The following TCEA3 variants were observed in gnomAD, a reference collection of about 807,000 sequenced individuals.
TCEA3 encodes transcription elongation factor A3.
TCEA3 carries 36 observed loss-of-function variants against 44.0 expected under a neutral mutation model. That is an observed-to-expected ratio of 0.82 (90% CI 0.63 to 1.08). TCEA3 has a LOEUF of 1.08. TCEA3 is among the 50% of genes least tolerant of loss of function. The pLI is 0.00. For synonymous variants in TCEA3, 162 were observed against 159.7 expected (o/e 1.01, Z -0.11); for missense variants, 392 against 441.2 (o/e 0.89, Z 1.00).
Position 23,424,566 on chromosome 1 carries a change from G to T in TCEA3, c.68C>A (p.Thr23Lys). Residue 23 changes from threonine (T) to lysine (K), a missense_variant and splice_region_variant, in exon 1 of 11, where the codon ACG (threonine) becomes AAG (lysine). Coordinates refer to ENST00000450454, the MANE Select transcript of TCEA3 (RefSeq NM_003196.3). Reference sequence around the variant, plus strand: ...GTGGCCCAAACTCTGCAGCCTCACCGTGTTCTTCCTGGCCACCATCTTCTC... The same window carrying T: ...GTGGCCCAAACTCTGCAGCCTCACCTTGTTCTTCCTGGCCACCATCTTCTC... The part of the protein sequence containing the change: ...KLEKMVARKN[T>K]EGALDLLKKL... 6.2e-7 allele frequency: 1 copy of T among 1,607,188 alleles called. No homozygotes were observed. The highest frequency in any genetic ancestry group is 2.2e-5 in the East Asian group (1 of 44,448).
intron 8 of TCEA3, among the ~76,000 whole-genome samples, chr1:23,389,487 CAA>C (rs71023208): frequency 7.1e-5 from 10 of 141,398 alleles, no homozygotes; most frequent in Non-Finnish European, 9.1e-5. Flanking sequence ...GAGATTCCAT[CAA>C]AAAAAAAAAA....
At chr1:23,408,104 G>A (rs1476504234) in intron 5 of TCEA3, among the ~76,000 whole-genome samples, 3 of 152,132 alleles carry the variant, frequency 2.0e-5, no homozygotes, top group East Asian at 1.9e-4. Flanking sequence ...TGGGATTACA[G>A]GTGCCCACCA....
chr1:23,386,689 C>G (rs528201811), intron 9 of TCEA3, among the ~76,000 whole-genome samples: 1 of 151,614 alleles, frequency 6.6e-6, no homozygotes, highest in Non-Finnish European at 1.5e-5. Context: ...TCCAGGGTAG[C>G]TGGGATTACA....
intron 6 of TCEA3, 49 bp from the exon 7 acceptor site, chr1:23,397,650 A>G (rs755918319): frequency 1.2e-6 from 2 of 1,606,244 alleles, no homozygotes; most frequent in South Asian, 2.2e-5. Flanking sequence ...CAACGTAGGC[A>G]GTGAAGCCTG....
At chr1:23,397,437 T>C (rs1416329883) in intron 7 of TCEA3, 108 bp downstream of exon 7, 1 of 982,086 alleles carries the variant, frequency 1.0e-6, no homozygotes, top group Non-Finnish European at 1.5e-6. Flanking sequence ...GCAGGGGCTG[T>C]TCCCGGAGCC....
At position 23,393,944 on chromosome 1, in the gene TCEA3, C is replaced by T. The variant is rs563329844; in HGVS notation, c.754G>A (p.Gly252Ser). 1.5e-5 allele frequency: 24 copies of T among 1,613,986 alleles called. No homozygotes were observed. Among genetic ancestry groups the T allele is most frequent in the Middle Eastern group, 3.3e-4 (2 of 6,062 alleles). The change falls in exon 8 of 11, where the codon GGC (glycine) becomes AGC (serine). Residue 252 changes from glycine to serine, a missense_variant. Physicochemically the swap from Gly to Ser is moderately conservative, Grantham distance 56. Transcript: ENST00000450454. The part of the protein sequence containing the change: ...ISNLKDPRNP[G>S]LRRNVLSGAI... ...CCACTGAGCACGTTCCGCCGCAGGC[C>T]GGGGTTCCTGGGGTCCTTGAGGTTG...
At position 23,417,555 on chromosome 1, in the gene TCEA3, G is replaced by A. The variant is rs566995118; in HGVS notation, c.239-165C>T. Among the ~76,000 whole-genome samples, 5 of 152,286 alleles carry A rather than the reference G, an allele frequency of 3.3e-5. No individual in the cohort carries two copies. In the East Asian group the frequency reaches 5.8e-4, roughly 18 times the overall value. On this transcript the variant is annotated intron_variant, in intron 3 of 10. Coordinates refer to ENST00000450454, the MANE Select transcript of TCEA3 (RefSeq NM_003196.3). ...ACACAAATGCACAAACAACAGGAAC[G>A]TGTGTACAAATACACAGTCTCACAT...
rs1237406707 is a variant in TCEA3 at position 23,392,408 on chromosome 1, TCATGC to T, written c.819+1466_819+1470del. Reference sequence around the variant, plus strand: ...TACACAAAACACACTCCACACATCATCATGCACAATACACACACACTCCACACATC... The same window carrying T: ...TACACAAAACACACTCCACACATCATACAATACACACACACTCCACACATC... On this transcript the variant is annotated intron_variant, in intron 8 of 10. Transcript: ENST00000450454. Among the ~76,000 whole-genome samples, 3 of 5,102 alleles carry T rather than the reference TCATGC, an allele frequency of 5.9e-4. 1 individual carries two copies. Among genetic ancestry groups the T allele is most frequent in the Non-Finnish European group, 3.4e-4 (1 of 2,914 alleles). The allele number at this position is 5,102 out of a possible 152,430, so 3.3% of individuals were successfully genotyped here.
rs1179951150 is a variant in TCEA3, at chr1:23,384,437, C to T, written c.967-20G>A. 1.2e-6 allele frequency: 2 copies of T among 1,610,690 alleles called. No homozygotes were observed. Among genetic ancestry groups the T allele is most frequent in the Non-Finnish European group, 1.7e-6 (2 of 1,178,240 alleles). ...CTGCACCTGAGAGAGAGAAGAACCA[C>T]TCATGAAGTCACTCCCCTGTTCTAG... is the stretch of plus-strand genomic sequence containing the variant. On this transcript the variant is annotated intron_variant, in intron 9 of 10. Transcript: ENST00000450454.
At chr1:23,395,509 C>T (rs1639189519) in intron 7 of TCEA3, among the ~76,000 whole-genome samples, 1 of 152,224 alleles carries the variant, frequency 6.6e-6, no homozygotes, top group East Asian at 1.9e-4. Context: ...TTTGATGCAG[C>T]TTTGATTTCC....
intron 5 of TCEA3, chr1:23,404,060 T>C: frequency 1.4e-6 from 1 of 695,248 alleles, no homozygotes; most frequent in South Asian, 1.5e-5. Flanking sequence ...CCTTAGAAAA[T>C]CCTCCTGCCC....
intron 5 of TCEA3, among the ~76,000 whole-genome samples, chr1:23,403,056 C>T (rs1358223350): frequency 6.6e-6 from 1 of 151,752 alleles, no homozygotes; most frequent in Non-Finnish European, 1.5e-5. Context: ...TGTCAACTCC[C>T]AGGACCCAGG....
intron 9 of TCEA3, among the ~76,000 whole-genome samples, chr1:23,384,662 C>CTTTTT (rs11341961): frequency 6.9e-5 from 8 of 116,478 alleles, no homozygotes; most frequent in Non-Finnish European, 1.2e-4. Flanking sequence ...TGCACTTCCG[C>CTTTTT]TTTTTTTTTT....
In TCEA3 at chr1:23,381,398, T is replaced by G. The variant is rs916541185; in HGVS notation, c.*68A>C. Reference sequence around the variant, plus strand: ...TTCCTTCACTTTAATTTTTATTGCTTCTCCAGTTCAGATAATTCAGCGCTT... The same window carrying G: ...TTCCTTCACTTTAATTTTTATTGCTGCTCCAGTTCAGATAATTCAGCGCTT... On this transcript the variant is annotated 3_prime_UTR_variant, in exon 11 of 11. Transcript: ENST00000450454. 1.3e-6 allele frequency: 1 copy of G among 774,874 alleles called. No individual in the cohort carries two copies. The highest frequency in any genetic ancestry group is 2.4e-5 in the East Asian group (1 of 41,198). The allele number at this position is 774,874 out of a possible 1,614,324, so 48.0% of individuals were successfully genotyped here. A position where few individuals can be genotyped will look rare whatever the true frequency, so the allele number is the denominator to read the frequency against.
At chr1:23,396,793 G>A (rs917579581) in intron 7 of TCEA3, among the ~76,000 whole-genome samples, 2 of 152,054 alleles carry the variant, frequency 1.3e-5, no homozygotes, top group Admixed American at 1.3e-4. Flanking sequence ...ATCACCTGAG[G>A]TCAGGAGTTC....
At chr1:23,423,715 C>T in intron 1 of TCEA3, 2 of 455,876 alleles carry the variant, frequency 4.4e-6, no homozygotes, top group Non-Finnish European at 4.4e-6. Context: ...CCCTCCAGGA[C>T]CCAAGGCCAA....
intron 8 of TCEA3, among the ~76,000 whole-genome samples, chr1:23,392,416 A>ACACACTCCACAC (rs1558030260): frequency 3.4e-3 from 11 of 3,192 alleles, no homozygotes; most frequent in African/African-American, 0.011. Flanking sequence ...CATCATGCAC[A>ACACACTCCACAC]ATACACACAC....
chr1:23,397,867 CCAGGAGACA>C lies in TCEA3; in HGVS notation c.523_531del (p.Cys175_Leu177del). The C allele has an allele frequency of 6.2e-7, 1 of 1,613,808 alleles. No homozygotes were observed. Among genetic ancestry groups the C allele is most frequent in the Non-Finnish European group, 8.5e-7 (1 of 1,179,842 alleles). On this transcript the variant is annotated inframe_deletion, in exon 6 of 11. Coordinates refer to ENST00000450454, the MANE Select transcript of TCEA3 (RefSeq NM_003196.3). ...GAGTCCCCTGTGAGATAGCAGGGGG[CCAGGAGACA>C]CATGGAAGAGGCAAACGTGGGGGTC...
At chr1:23,415,775 A>G (rs1255203034) in intron 4 of TCEA3, among the ~76,000 whole-genome samples, 1 of 152,250 alleles carries the variant, frequency 6.6e-6, no homozygotes, top group Non-Finnish European at 1.5e-5. Flanking sequence ...TTTTCCAAGT[A>G]GGATACACTT....
Sources: gnomAD v4.1 joint callset for allele counts (sites outside exome capture counted in the v4.1 genomes callset) on GRCh38, gnomAD v4.1.1 for gene constraint, MANE v1.5 for transcripts, NCBI Gene and HGNC (gene_info 2026-07-23, HGNC 2026-07-21) for gene names.